RIF1: variants seen among roughly 807,000 people sequenced by gnomAD.
RIF1 encodes the protein replication timing regulatory factor 1, also known as telomere-associated protein RIF1.
In RIF1, 45 loss-of-function variants were observed where a neutral mutation model predicts 247.1. That is an observed-to-expected ratio of 0.18 (90% CI 0.14 to 0.23). The LOEUF (loss-of-function observed/expected upper bound fraction) is 0.23, where lower values mean the gene tolerates loss of function less well. Among genes scored for constraint, RIF1 ranks in the 10% least tolerant of loss-of-function variants. The pLI, the probability that RIF1 is intolerant of heterozygous loss-of-function variation, is 1.00. For missense variants in RIF1, 2,967 were observed against 2,862.5 expected (o/e 1.04, Z -0.83); for synonymous variants, 1,087 against 978.8 (o/e 1.11, Z -2.06).
chr2:151,509,341 T>G (rs567146339), downstream of RIF1, among the ~76,000 whole-genome samples: 44 of 152,330 alleles, frequency 2.9e-4, no homozygotes, highest in African/African-American at 1.1e-3. Context: ...CAGTTCTCAT[T>G]GTCCTGGGAA....
chr2:151,474,846 T>G lies in RIF1; in HGVS notation c.7205-11T>G. ...TATAGATTTAATTGTGGTTTTTTTT[T>G]TCTCTTTTAGATATAATTGATCCTG... On this transcript the variant is annotated splice_polypyrimidine_tract_variant and intron_variant, in intron 35 of 35. Transcript: ENST00000444746. 7.0e-7 allele frequency: 1 copy of G among 1,427,256 alleles called. No individual in the cohort carries two copies. Among genetic ancestry groups the G allele is most frequent in the South Asian group, 1.2e-5 (1 of 82,518 alleles). The allele number at this position is 1,427,256 out of a possible 1,614,324, so 88.4% of individuals were successfully genotyped here. A position where few individuals can be genotyped will look rare whatever the true frequency, so the allele number is the denominator to read the frequency against.
intron 20 of RIF1, among the ~76,000 whole-genome samples, chr2:151,448,315 A>G (rs944324903): frequency 6.6e-6 from 1 of 152,260 alleles, no homozygotes; most frequent in South Asian, 2.1e-4. Flanking sequence ...AAGTGTTGGG[A>G]TTACAGGTGT....
chr2:151,514,690 G>T, the RIF1 span: 1 of 694,382 alleles, frequency 1.4e-6, no homozygotes, highest in Non-Finnish European at 2.4e-6. Context: ...GTAGTACCAA[G>T]CACATGAGAA....
chr2:151,440,268 G>A (rs760291200), intron 15 of RIF1, 141 bp downstream of exon 15: 17 of 618,260 alleles, frequency 2.7e-5, no homozygotes, highest in Non-Finnish European at 4.5e-5. Flanking sequence ...ATTGCAATAA[G>A]TGCCATTCTA....
intron 3 of RIF1, among the ~76,000 whole-genome samples, chr2:151,412,255 C>T (rs556844023): frequency 5.7e-5 from 1 of 17,444 alleles, no homozygotes; most frequent in Admixed American, 1.1e-3. Flanking sequence ...ACTTTTATCT[C>T]CAAAGTTTGA....
At chr2:151,466,509 GT>G (rs1057131635) in intron 30 of RIF1, among the ~76,000 whole-genome samples, 11 of 151,942 alleles carry the variant, frequency 7.2e-5, no homozygotes, top group African/African-American at 2.7e-4. Flanking sequence ...ACATTATGCT[GT>G]TTTACGTTTT....
chr2:151,533,511 T>A, the RIF1 span: 1 of 1,551,514 alleles, frequency 6.4e-7, no homozygotes, highest in African/African-American at 1.4e-5. Flanking sequence ...TACATCCATG[T>A]TGCAGAAACA....
chr2:151,493,332 C>G (rs1399767901), intron 9 of RIF1: 4 of 1,559,946 alleles, frequency 2.6e-6, no homozygotes, highest in Admixed American at 1.7e-5. Flanking sequence ...TGCACTATTT[C>G]TTTTTAGTCC....
intron 12 of RIF1, chr2:151,503,252 G>C (rs961123822): frequency 4.5e-6 from 4 of 880,436 alleles, no homozygotes; most frequent in East Asian, 2.5e-5. Context: ...GACACACACA[G>C]AATTGCTGTT....
At chr2:151,519,452 A>G in the RIF1 span, among the ~76,000 whole-genome samples, 7 of 152,214 alleles carry the variant, frequency 4.6e-5, no homozygotes, top group Non-Finnish European at 8.8e-5. Flanking sequence ...AAAGTAGATA[A>G]GAGGTTCCCA....
chr2:151,456,454 A>G, intron 22 of RIF1, 124 bp from the exon 23 acceptor site: 2 of 565,540 alleles, frequency 3.5e-6, no homozygotes, highest in Non-Finnish European at 6.2e-6. Flanking sequence ...GTCTTTGGGC[A>G]CCTTTTTATA....
chr2:151,412,063 T>G lies in RIF1; in HGVS notation c.183+725T>G, dbSNP rs146621951. Among the ~76,000 whole-genome samples, 348 of 152,326 alleles carry G rather than the reference T, an allele frequency of 2.3e-3. 9 individuals carry two copies. The East Asian group carries it at 0.046, about 20-fold the overall frequency. On this transcript the variant is annotated intron_variant, in intron 3 of 35. Coordinates refer to ENST00000444746, the MANE Select transcript of RIF1 (RefSeq NM_018151.5). The stretch of plus-strand genomic sequence containing the variant: ...GTCTTTGGTCTAATCTAGGTAGCAT[T>G]AATTTCTTTTTCCTCATTCACCCTC...
chr2:151,496,194 G>T, intron 10 of RIF1: 1 of 1,368,046 alleles, frequency 7.3e-7, no homozygotes, highest in African/African-American at 1.5e-5. Flanking sequence ...TCTTTAAAAA[G>T]TAGGATTAAT....
At chr2:151,450,103 A>G (rs1328913811) in intron 20 of RIF1, among the ~76,000 whole-genome samples, 5 of 151,952 alleles carry the variant, frequency 3.3e-5, no homozygotes, top group Admixed American at 2.6e-4. Context: ...TGGCCTCCCA[A>G]AGTGCTGGGA....
rs1344992508 is a variant in RIF1, at chr2:151,443,600, A to C, written c.1877A>C (p.Asp626Ala). 6.2e-7 allele frequency: 1 copy of C among 1,612,256 alleles called. No individual in the cohort carries two copies. Among genetic ancestry groups the C allele is most frequent in the Non-Finnish European group, 8.5e-7 (1 of 1,179,352 alleles). The change falls in exon 18 of 36, where the codon GAC (aspartate) becomes GCC (alanine). Residue 626 changes from aspartate (D) to alanine (A), a missense_variant. Asp to Ala is a moderately radical substitution (Grantham distance 126). Transcript: ENST00000444746. ...CCAACTTCACCACTAGCTTTCAGTGACTCAGTTTTAAATGTTATTAATCAA... is the reference window on the plus strand; with the variant it reads ...CCAACTTCACCACTAGCTTTCAGTGCCTCAGTTTTAAATGTTATTAATCAA... ...SGPTSPLAFS[D>A]SVLNVINQNA...
At chr2:151,410,143 C>T in intron 1 of RIF1, 110 bp downstream of exon 1, 3 of 673,710 alleles carry the variant, frequency 4.5e-6, no homozygotes, top group Non-Finnish European at 8.1e-6. Context: ...TCCCGCCCTC[C>T]GCCGATCTCC....
At chr2:151,534,226 G>T in the RIF1 span, 1 of 1,613,192 alleles carries the variant, frequency 6.2e-7, no homozygotes, top group Non-Finnish European at 8.5e-7. Context: ...TGACTGATCT[G>T]GTCGCCTGCG....
At chr2:151,526,114 T>C in the RIF1 span, 329 of 1,611,876 alleles carry the variant, frequency 2.0e-4, 3 homozygotes, top group East Asian at 7.3e-3. Flanking sequence ...GCCTGGGGCG[T>C]TCTCCCAAGA....
At chr2:151,470,039 C>T (rs1291012216) in intron 34 of RIF1, among the ~76,000 whole-genome samples, 175 bp downstream of exon 34, 1 of 151,912 alleles carries the variant, frequency 6.6e-6, no homozygotes, top group East Asian at 1.9e-4. Context: ...TCATTAAATT[C>T]TGTTCATCCC....
Sources: allele counts gnomAD v4.1 joint callset (sites outside exome capture counted in the v4.1 genomes callset), GRCh38; gene constraint gnomAD v4.1.1; transcripts MANE v1.5; gene names NCBI Gene and HGNC (gene_info 2026-07-23, HGNC 2026-07-21).